The following DNM3 variants were observed in gnomAD, a reference collection of about 807,000 sequenced individuals.
DNM3 encodes dynamin-3.
A neutral mutation model predicts 101.6 loss-of-function variants in DNM3; 47 were observed. The observed-to-expected ratio is 0.46, with a 90% CI of 0.37 to 0.59. DNM3 has a LOEUF of 0.59. Among genes scored for constraint, DNM3 ranks in the 20% least tolerant of loss-of-function variants. The probability of loss-of-function intolerance (pLI) is 0.00; values close to 1 mark genes in which losing one functional copy is unlikely to be tolerated. For missense variants in DNM3, 849 were observed against 1,085.7 expected (o/e 0.78, Z 3.06); for synonymous variants, 385 against 387.9 (o/e 0.99, Z 0.09).
intron 14 of DNM3, among the ~76,000 whole-genome samples, chr1:172,196,689 C>T (rs1056684208): frequency 7.9e-5 from 12 of 152,002 alleles, no homozygotes; most frequent in African/African-American, 2.9e-4. Flanking sequence ...TGTTTATTGA[C>T]CAGATGTATG....
At chr1:172,345,634 T>C (rs2066893645) in intron 17 of DNM3, among the ~76,000 whole-genome samples, 2 of 152,212 alleles carry the variant, frequency 1.3e-5, no homozygotes, top group African/African-American at 4.8e-5. Context: ...ACCTGACTTT[T>C]AAGTGTATTT....
At chr1:171,872,795 T>G (rs2035416741) in intron 1 of DNM3, among the ~76,000 whole-genome samples, 1 of 152,192 alleles carries the variant, frequency 6.6e-6, no homozygotes, top group Admixed American at 6.5e-5. Flanking sequence ...GTTTGTTTTT[T>G]TTTAATTCAG....
At chr1:172,298,957 G>A (rs113132904) in intron 15 of DNM3, among the ~76,000 whole-genome samples, 2,162 of 152,206 alleles carry the variant, frequency 0.014, 51 homozygotes, top group African/African-American at 0.049. Context: ...CAACTGTGAT[G>A]AGTGCTACAA....
rs930976049 is a variant in DNM3 at position 172,048,604 on chromosome 1, AC to A, written c.1197-6del. Reference sequence around the variant, plus strand: ...AATCTCATGGGCTGCTTGCTTTCTTACCTTCAGGACAGGGTTGTTTACTCCA... The same window carrying A: ...AATCTCATGGGCTGCTTGCTTTCTTACTTCAGGACAGGGTTGTTTACTCCA... On this transcript the variant is annotated splice_polypyrimidine_tract_variant and splice_region_variant and intron_variant, in intron 9 of 20. Transcript: ENST00000627582. 5 of 1,595,586 alleles carry A rather than the reference AC, an allele frequency of 3.1e-6. No individual in the cohort carries two copies. The African/African-American group carries it at 4.1e-5, about 13-fold the overall frequency.
At chr1:171,847,541 A>AC (rs1006252603) in intron 1 of DNM3, among the ~76,000 whole-genome samples, 4 of 151,762 alleles carry the variant, frequency 2.6e-5, no homozygotes, top group Admixed American at 1.3e-4. Flanking sequence ...AGCAAGGAAA[A>AC]AAAAAGAGAT....
intron 13 of DNM3, among the ~76,000 whole-genome samples, chr1:172,114,741 G>A (rs6694089): frequency 0.19 from 28,336 of 152,098 alleles, 3,587 homozygotes; most frequent in Non-Finnish European, 0.28. Flanking sequence ...TTGAGGCTCC[G>A]AGAGGTTAAG....
intron 2 of DNM3, among the ~76,000 whole-genome samples, chr1:171,947,110 T>C (rs1351088660): frequency 6.6e-6 from 1 of 152,172 alleles, no homozygotes; most frequent in East Asian, 1.9e-4. Context: ...TTCATTTCAA[T>C]TGGTGCAGTG....
chr1:172,005,996 A>G (rs1333453502), intron 4 of DNM3, among the ~76,000 whole-genome samples: 2 of 152,086 alleles, frequency 1.3e-5, no homozygotes, highest in East Asian at 3.9e-4. Flanking sequence ...TGAGCCCAGG[A>G]CATTTTGTGG....
intron 4 of DNM3, among the ~76,000 whole-genome samples, chr1:172,022,223 C>T (rs769411220): frequency 6.2e-4 from 95 of 152,120 alleles, no homozygotes; most frequent in Non-Finnish European, 9.6e-4. Flanking sequence ...GTATCTATCT[C>T]TTGGTGGTTG....
chr1:172,270,159 T>A (rs763104695), intron 15 of DNM3, among the ~76,000 whole-genome samples: 1 of 151,984 alleles, frequency 6.6e-6, no homozygotes, highest in Admixed American at 6.6e-5. Context: ...AATAATGGCA[T>A]CTCTGGCAGC....
intron 1 of DNM3, among the ~76,000 whole-genome samples, chr1:171,870,715 A>G (rs537575632): frequency 2.0e-4 from 30 of 152,306 alleles, no homozygotes; most frequent in African/African-American, 6.7e-4. Context: ...ATGACACAAA[A>G]CAATAAAAAA....
intron 2 of DNM3, among the ~76,000 whole-genome samples, chr1:171,953,794 A>G (rs545659951): frequency 6.6e-6 from 1 of 152,320 alleles, no homozygotes; most frequent in East Asian, 1.9e-4. Context: ...AAGGATTTCT[A>G]GTAGACAGGA....
chr1:172,338,454 G>A (rs940718413), intron 17 of DNM3, among the ~76,000 whole-genome samples: 20 of 151,890 alleles, frequency 1.3e-4, no homozygotes, highest in African/African-American at 4.1e-4. Flanking sequence ...TTCAGCTTTC[G>A]AATCACATCC....
chr1:172,034,696 G>C (rs1487757195), intron 6 of DNM3, among the ~76,000 whole-genome samples: 2 of 151,914 alleles, frequency 1.3e-5, no homozygotes, highest in Non-Finnish European at 2.9e-5. Flanking sequence ...ATAATTCTAT[G>C]GCTATGTATG....
intron 15 of DNM3, among the ~76,000 whole-genome samples, chr1:172,292,959 C>T (rs186609854): frequency 4.6e-5 from 7 of 152,150 alleles, no homozygotes; most frequent in East Asian, 1.9e-4. Context: ...GAATAGGAGA[C>T]GTGAGAAAGG....
chr1:172,330,562 A>T (rs1309556446), intron 17 of DNM3, among the ~76,000 whole-genome samples: 3 of 152,134 alleles, frequency 2.0e-5, no homozygotes, highest in Non-Finnish European at 4.4e-5. Flanking sequence ...AAAATAAAGA[A>T]ATTCTGGTAC....
Position 171,955,988 on chromosome 1 carries a change from G to A in DNM3, c.236-31668G>A, listed in dbSNP as rs190477044. ...CACGAGAACAGCATGAGAAAGATCC[G>A]CCCCCATAATTCAATTATCTCCCAC... On this transcript the variant is annotated intron_variant, in intron 2 of 20. Transcript: ENST00000627582. Among the ~76,000 whole-genome samples the A allele has an allele frequency of 1.4e-4, 22 of 152,156 alleles. No homozygotes were observed. In the South Asian group the frequency reaches 1.7e-3, roughly 11 times the overall value.
chr1:172,414,149 G>A (rs985665235), downstream of DNM3, among the ~76,000 whole-genome samples: 3 of 152,128 alleles, frequency 2.0e-5, no homozygotes, highest in East Asian at 1.9e-4. Flanking sequence ...ATTGAGAAAC[G>A]TGTTTAGTAT....
intron 14 of DNM3, among the ~76,000 whole-genome samples, chr1:172,160,943 G>T (rs553514123): frequency 6.6e-6 from 1 of 152,016 alleles, no homozygotes; most frequent in African/African-American, 2.4e-5. Context: ...TACCACCATT[G>T]TATATGCAGT....
Sources: allele counts gnomAD v4.1 joint callset (sites outside exome capture counted in the v4.1 genomes callset), GRCh38; gene constraint gnomAD v4.1.1; transcripts MANE v1.5; gene names NCBI Gene and HGNC (gene_info 2026-07-23, HGNC 2026-07-21).